Variants in MAP3K4 observed in about 807,000 individuals in gnomAD.
MAP3K4 encodes MAP three kinase 1.
A neutral mutation model predicts 185.6 loss-of-function variants in MAP3K4; 67 were observed. The ratio of observed to expected loss-of-function variants is 0.36; its 90% CI spans 0.30 to 0.44. The LOEUF (loss-of-function observed/expected upper bound fraction) is 0.44, where lower values mean the gene tolerates loss of function less well. MAP3K4 is among the 20% of genes least tolerant of loss of function. MAP3K4 has a pLI of 1.00. For missense variants in MAP3K4, 1,551 were observed against 1,995.1 expected (o/e 0.78, Z 4.24); for synonymous variants, 702 against 710.4 (o/e 0.99, Z 0.19).
intron 2 of MAP3K4, among the ~76,000 whole-genome samples, chr6:161,041,440 A>C (rs1783445712): frequency 6.6e-6 from 1 of 152,168 alleles, no homozygotes; most frequent in Non-Finnish European, 1.5e-5. Flanking sequence ...GTGAGGGAGC[A>C]AGGAAGTGAA....
In MAP3K4 at chr6:160,991,880, C is replaced by A; in HGVS notation, c.-52C>A. 3 of 1,450,066 alleles carry A rather than the reference C, an allele frequency of 2.1e-6. No homozygotes were observed. The highest frequency in any genetic ancestry group is 1.8e-6 in the Non-Finnish European group (2 of 1,111,818). The allele number at this position is 1,450,066 out of a possible 1,614,324, so 89.8% of individuals were successfully genotyped here. A position where few individuals can be genotyped will look rare whatever the true frequency, so the allele number is the denominator to read the frequency against. On this transcript the variant is annotated 5_prime_UTR_variant, in exon 1 of 27. Transcript: ENST00000392142. This position sits in a 1 kb window ranked among gnomAD's most constrained non-coding sequence, Gnocchi z 5.7. ...CGCACTTCGGGGCTCCGGTGCCCCG[C>A]GCCAGGCTGCAGCTTACTGCCCGCC...
At position 161,098,296 on chromosome 6, in the gene MAP3K4, C is replaced by T. The variant is rs766561228; in HGVS notation, c.3543C>T (p.Ser1181=). The change falls in exon 17 of 27, where the codon TCC becomes TCT. Residue 1181 remains serine, a synonymous_variant. Transcript: ENST00000392142. This position sits in a 1 kb window ranked among gnomAD's most constrained non-coding sequence, Gnocchi z 4.4. ...PEGFSTRSMP[S]DARSHGSPAA... ...GTCTTAGCACTCGGAGCATGCCTTC[C>T]GACGCGCGGAGCCATGGCAGCCCTG... The T allele has an allele frequency of 9.9e-6, 16 of 1,611,606 alleles. No homozygotes were observed. The highest frequency in any genetic ancestry group is 1.6e-4 in the Middle Eastern group (1 of 6,082).
rs141274770 is a variant in MAP3K4 at position 161,025,775 on chromosome 6, C to G, written c.153-8484C>G. On this transcript the variant is annotated intron_variant, in intron 1 of 26. Transcript: ENST00000392142. ...GTAATTCATTCTTGAGTGAATTAAC[C>G]TTTAATTAAAGTTTTAAACGTTTTT... Among the ~76,000 whole-genome samples, 1,041 of 152,158 alleles carry G rather than the reference C, an allele frequency of 6.8e-3. 15 individuals are homozygous for G. Among genetic ancestry groups the G allele is most frequent in the African/African-American group, 0.024 (1,003 of 41,500 alleles).
intron 1 of MAP3K4, among the ~76,000 whole-genome samples, chr6:160,992,690 G>C (rs1780789943): frequency 6.6e-6 from 1 of 152,176 alleles, no homozygotes; most frequent in East Asian, 1.9e-4. Context: ...TTGCTCACAC[G>C]TGCACAAAAG....
chr6:161,034,093 A>G lies in MAP3K4; in HGVS notation c.153-166A>G, dbSNP rs1783049465. Among the ~76,000 whole-genome samples, 1 of 152,240 alleles carries G rather than the reference A, an allele frequency of 6.6e-6. No individual in the cohort carries two copies. Among genetic ancestry groups the G allele is most frequent in the African/African-American group, 2.4e-5 (1 of 41,464 alleles). On this transcript the variant is annotated intron_variant, in intron 1 of 26. Transcript: ENST00000392142. This position sits in a 1 kb window ranked among gnomAD's most constrained non-coding sequence, Gnocchi z 4.4. ...ATTATTACTCTCTTCAAGCAAAAGA[A>G]AAGTTCTCCTTTTGAGTTTTCACAG...
At position 161,059,257 on chromosome 6, in the gene MAP3K4, T is replaced by G. The variant is rs367838961; in HGVS notation, c.1707+9278T>G. ...TTCCAGCGATTCTCATGCCTCAGCC[T>G]CCTGAGTAGCTGGGATCACAGGCGT... On this transcript the variant is annotated intron_variant, in intron 3 of 26. Coordinates refer to ENST00000392142, the MANE Select transcript of MAP3K4 (RefSeq NM_005922.4). 4.2e-4 allele frequency among the ~76,000 whole-genome samples: 64 copies of G among 152,206 alleles called. No individual in the cohort carries two copies. In the East Asian group the frequency reaches 7.5e-3, roughly 18 times the overall value.
rs1778396861 is a variant in MAP3K4, at chr6:161,112,456, G to A, written c.4520-212G>A. ...TTGTGAATACAATTAATTTGAAAAT[G>A]TGTACATTCAAAAATAGTCTTTTAA... On this transcript the variant is annotated intron_variant, in intron 24 of 26. Transcript: ENST00000392142. The surrounding 1 kb of genome is among the most constrained non-coding windows in gnomAD (Gnocchi z 5.1). Among the ~76,000 whole-genome samples the A allele has an allele frequency of 6.6e-6, 1 of 152,122 alleles. No individual in the cohort carries two copies. Among genetic ancestry groups the A allele is most frequent in the Non-Finnish European group, 1.5e-5 (1 of 68,024 alleles).
rs1352920906 is a variant in MAP3K4 at position 161,114,328 on chromosome 6, T to C, written c.4627-795T>C. 6.6e-6 allele frequency among the ~76,000 whole-genome samples: 1 copy of C among 152,172 alleles called. No homozygotes were observed. Among genetic ancestry groups the C allele is most frequent in the African/African-American group, 2.4e-5 (1 of 41,426 alleles). ...GGTAGCTTACCGTACACATACAGTA[T>C]TATAGCAAAAAAGTTAGAAACCTTC... is the stretch of plus-strand genomic sequence containing the variant. On this transcript the variant is annotated intron_variant, in intron 25 of 26. Coordinates refer to ENST00000392142, the MANE Select transcript of MAP3K4 (RefSeq NM_005922.4). This position sits in a 1 kb window ranked among gnomAD's most constrained non-coding sequence, Gnocchi z 4.3.
intron 7 of MAP3K4, among the ~76,000 whole-genome samples, chr6:161,085,144 TCA>T (rs1491405955): frequency 4.2e-5 from 2 of 47,384 alleles, no homozygotes; most frequent in Non-Finnish European, 8.8e-5. Flanking sequence ...AGACTCCGTC[TCA>T]AAAAAAAAAA....
rs562660937 is a variant in MAP3K4, at chr6:161,090,916, C to T, written c.2974-463C>T. ...GACCATCAAAAACTTCTCTGGACAA[C>T]GTCTCCAGACGCTGAGGGGAGGGGG... is the stretch of plus-strand genomic sequence containing the variant. On this transcript the variant is annotated intron_variant, in intron 11 of 26. Coordinates refer to ENST00000392142, the MANE Select transcript of MAP3K4 (RefSeq NM_005922.4). Among the ~76,000 whole-genome samples the T allele has an allele frequency of 1.7e-4, 26 of 152,328 alleles. No individual in the cohort carries two copies. The South Asian group carries it at 3.5e-3, about 21-fold the overall frequency.
At chr6:161,050,314 A>G (rs1395056781) in intron 3 of MAP3K4, among the ~76,000 whole-genome samples, 1 of 152,346 alleles carries the variant, frequency 6.6e-6, no homozygotes, top group East Asian at 1.9e-4. Context: ...GAGTCAGGAA[A>G]AAAGTCCACG....
chr6:161,040,229 G>A (rs1247863729), intron 2 of MAP3K4, among the ~76,000 whole-genome samples: 2 of 152,156 alleles, frequency 1.3e-5, no homozygotes, highest in Non-Finnish European at 1.5e-5. Flanking sequence ...AATATAGTTG[G>A]GGATTGTGGT....
In MAP3K4 at chr6:161,112,723, G is replaced by A. The variant is rs969693064; in HGVS notation, c.4575G>A (p.Ala1525=). The change falls in exon 25 of 27, where the codon GCG becomes GCA. Residue 1525 remains alanine (A), a synonymous_variant. Coordinates refer to ENST00000392142, the MANE Select transcript of MAP3K4 (RefSeq NM_005922.4). This position sits in a 1 kb window ranked among gnomAD's most constrained non-coding sequence, Gnocchi z 5.1. Reference sequence around the variant, plus strand: ...CCAAAGGAGAGGGCCATGGGCGTGCGGCCGACATCTGGAGTCTGGGGTGTG... The same window carrying A: ...CCAAAGGAGAGGGCCATGGGCGTGCAGCCGACATCTGGAGTCTGGGGTGTG... The part of the protein sequence containing the change: ...TRAKGEGHGR[A]ADIWSLGCVV... 1.7e-5 allele frequency: 27 copies of A among 1,608,426 alleles called. No individual in the cohort carries two copies. The highest frequency in any genetic ancestry group is 1.6e-4 in the Middle Eastern group (1 of 6,068).
At chr6:161,019,537 G>C (rs1038462421) in intron 1 of MAP3K4, among the ~76,000 whole-genome samples, 122 of 152,314 alleles carry the variant, frequency 8.0e-4, no homozygotes, top group Non-Finnish European at 1.6e-3. Context: ...CTCCCGAGTA[G>C]CTGGAATTAC....
Position 161,036,203 on chromosome 6 carries a change from A to G in MAP3K4, c.343+1754A>G, listed in dbSNP as rs9458106. Reference sequence around the variant, plus strand: ...CACAATTTTTAAAATTGTTTATTTTATGAAATTATAGAATTTTAGAGCCAG... The same window carrying G: ...CACAATTTTTAAAATTGTTTATTTTGTGAAATTATAGAATTTTAGAGCCAG... On this transcript the variant is annotated intron_variant, in intron 2 of 26. Transcript: ENST00000392142. Among the ~76,000 whole-genome samples, 1,354 of 152,290 alleles carry G rather than the reference A, an allele frequency of 8.9e-3. 24 individuals are homozygous for G. Among genetic ancestry groups the G allele is most frequent in the African/African-American group, 0.032 (1,312 of 41,544 alleles).
intron 1 of MAP3K4, among the ~76,000 whole-genome samples, chr6:161,011,452 A>AC (rs1316638483): frequency 2.0e-5 from 3 of 152,014 alleles, no homozygotes; most frequent in African/African-American, 4.8e-5. Flanking sequence ...TTGCCTTTCA[A>AC]CCCCCCTCCC....
rs758001235 is a variant in MAP3K4, at chr6:161,091,501, C to T, written c.3096C>T (p.Tyr1032=). Residue 1032 remains tyrosine (Y), a synonymous_variant, in exon 12 of 27, where the codon TAC becomes TAT. Coordinates refer to ENST00000392142, the MANE Select transcript of MAP3K4 (RefSeq NM_005922.4). The surrounding 1 kb of genome is among the most constrained non-coding windows in gnomAD (Gnocchi z 5.5). ...ESESVTLQQY[Y]REAMIQGYNF... is the part of the protein sequence containing the mutation. Reference sequence around the variant, plus strand: ...AATCTGTCACCTTGCAACAGTACTACCGAGAAGCAATGATTCAGGGGTACA... The same window carrying T: ...AATCTGTCACCTTGCAACAGTACTATCGAGAAGCAATGATTCAGGGGTACA... 3.1e-6 allele frequency: 5 copies of T among 1,613,600 alleles called. No individual in the cohort carries two copies. The highest frequency in any genetic ancestry group is 1.7e-6 in the Non-Finnish European group (2 of 1,179,910).
chr6:161,040,580 G>A (rs1365446278), intron 2 of MAP3K4, among the ~76,000 whole-genome samples: 5 of 152,184 alleles, frequency 3.3e-5, no homozygotes, highest in Non-Finnish European at 5.9e-5. Flanking sequence ...ATAAGGTTAA[G>A]AAGCATTGAC....
At chr6:161,021,942 CAA>C (rs776415259) in intron 1 of MAP3K4, among the ~76,000 whole-genome samples, 4 of 151,470 alleles carry the variant, frequency 2.6e-5, no homozygotes, top group Non-Finnish European at 4.4e-5. Context: ...CAAAAAAAAA[CAA>C]AAGTGAATAA....
Sources: gnomAD v4.1 joint callset for allele counts (sites outside exome capture counted in the v4.1 genomes callset) on GRCh38, gnomAD v4.1.1 for gene constraint, Gnocchi (gnomAD v3.1) non-coding constraint, MANE v1.5 for transcripts, NCBI Gene and HGNC (gene_info 2026-07-23, HGNC 2026-07-21) for gene names.